LAT2: variants seen among roughly 807,000 people sequenced by gnomAD.
LAT2 encodes the protein linker for activation of T cells family member 2.
In LAT2, 23 loss-of-function variants were observed where a neutral mutation model predicts 43.4. That is an observed-to-expected ratio of 0.53 (90% confidence interval 0.38 to 0.75). The LOEUF is 0.75. Among genes scored for constraint, LAT2 ranks in the 30% least tolerant of loss-of-function variants. The pLI, the probability that LAT2 is intolerant of heterozygous loss-of-function variation, is 0.00. For missense variants in LAT2, 284 were observed against 310.2 expected, an observed-to-expected ratio of 0.92 and a Z score of 0.64; for synonymous variants, 128 against 123.2, an observed-to-expected ratio of 1.04 and a Z score of -0.26.
Position 74,224,759 on chromosome 7 carries a change from A to G in LAT2, c.*17A>G, listed in dbSNP as rs782814967. 2.3e-5 allele frequency: 36 copies of G among 1,556,506 alleles called. No individual in the cohort carries two copies. The highest frequency in any genetic ancestry group is 7.6e-5 in the Admixed American group (4 of 52,428). On this transcript the variant is annotated splice_region_variant and 3_prime_UTR_variant, in exon 13 of 14. Transcript: ENST00000460943. Reference sequence around the variant, plus strand: ...GAAGCCTAGGGCAGACCAAGAAGAAAGGTACAGCCCCTGCTCTCCAGCTGC... The same window carrying G: ...GAAGCCTAGGGCAGACCAAGAAGAAGGGTACAGCCCCTGCTCTCCAGCTGC...
At chr7:74,219,327 A>C (rs913298393) in intron 4 of LAT2, among the ~76,000 whole-genome samples, 2 of 152,056 alleles carry the variant, frequency 1.3e-5, no homozygotes, top group East Asian at 1.9e-4. Flanking sequence ...ATTTACCCCA[A>C]GTCATTGCTG....
intron 11 of LAT2, 88 bp from the exon 12 acceptor site, chr7:74,223,930 T>C: frequency 1.3e-6 from 2 of 1,492,774 alleles, no homozygotes; most frequent in Admixed American, 1.9e-5. Flanking sequence ...GGTAGAGCCT[T>C]GCCCCTACTA....
chr7:74,223,803 GGCAGGCTGGGGCTGGGAGCA>G lies in LAT2; in HGVS notation c.448+27_448+46del. ...AGACAGGTGAGGCTGCCCAGCCAGA[GGCAGGCTGGGGCTGGGAGCA>G]GCAGGCCTCCTTGGCCAGGTGCCCC... On this transcript the variant is annotated intron_variant, in intron 11 of 13. Coordinates refer to ENST00000460943, the MANE Select transcript of LAT2 (RefSeq NM_032464.3). The G allele has an allele frequency of 3.7e-6, 6 of 1,611,212 alleles. No individual in the cohort carries two copies. The highest frequency in any genetic ancestry group is 5.1e-6 in the Non-Finnish European group (6 of 1,177,696).
rs532210374 is a variant in LAT2, at chr7:74,223,689, C to T, written c.389-35C>T. On this transcript the variant is annotated intron_variant, in intron 10 of 13. Transcript: ENST00000460943. Reference sequence around the variant, plus strand: ...ATGAGCCAGGCTTTGCAGGGTCTGCCCACACCCCCGTGCCCACTCCTCTCT... The same window carrying T: ...ATGAGCCAGGCTTTGCAGGGTCTGCTCACACCCCCGTGCCCACTCCTCTCT... 7.5e-6 allele frequency: 12 copies of T among 1,600,594 alleles called. No individual in the cohort carries two copies. The South Asian group carries it at 1.2e-4, about 16-fold the overall frequency.
intron 3 of LAT2, 95 bp from the exon 4 acceptor site, chr7:74,216,730 C>A: frequency 9.5e-7 from 1 of 1,050,968 alleles, no homozygotes; most frequent in Non-Finnish European, 1.5e-6. Context: ...CAAGTCCTGT[C>A]TGAGTCCTGC....
intron 13 of LAT2, among the ~76,000 whole-genome samples, chr7:74,228,647 A>T (rs1584233469): frequency 7.0e-6 from 1 of 142,900 alleles, no homozygotes; most frequent in Middle Eastern, 3.7e-3. Flanking sequence ...AAAAAAAAAA[A>T]TTAGCTGGGC....
At position 74,221,619 on chromosome 7, in the gene LAT2, A is replaced by C; in HGVS notation, c.333-18A>C. The C allele has an allele frequency of 6.2e-7, 1 of 1,609,762 alleles. No individual in the cohort carries two copies. The highest frequency in any genetic ancestry group is 8.5e-7 in the Non-Finnish European group (1 of 1,178,070). ...CAGCCTGCCCTGAAACCTGTGTTGT[A>C]TATGTTTTCTTGGCCAGAGACCCCA... On this transcript the variant is annotated intron_variant, in intron 9 of 13. Transcript: ENST00000460943.
intron 13 of LAT2, among the ~76,000 whole-genome samples, chr7:74,227,641 G>A (rs1802539165): frequency 6.6e-6 from 1 of 152,228 alleles, no homozygotes; most frequent in Admixed American, 6.5e-5. Flanking sequence ...CCAGGCACTG[G>A]TGCCATCTGG....
At chr7:74,228,408 A>G (rs1423842106) in intron 13 of LAT2, among the ~76,000 whole-genome samples, 9 of 147,546 alleles carry the variant, frequency 6.1e-5, no homozygotes, top group African/African-American at 1.0e-4. Context: ...CCCGGGAGGC[A>G]GAGCTTGCAG....
chr7:74,221,789 C>T (rs375519597), intron 10 of LAT2, 97 bp downstream of exon 10: 91 of 841,240 alleles, frequency 1.1e-4, no homozygotes, highest in South Asian at 3.7e-4. Flanking sequence ...GGCCTGGGTT[C>T]GGGTAAATCG....
rs782769659 is a variant in LAT2 at position 74,216,044 on chromosome 7, T to C, written c.69T>C (p.Ser23=). 2 of 1,613,172 alleles carry C rather than the reference T, an allele frequency of 1.2e-6. No homozygotes were observed. The highest frequency in any genetic ancestry group is 1.1e-5 in the South Asian group (1 of 91,006). Residue 23 remains serine, a synonymous_variant, in exon 3 of 14, where the codon AGT becomes AGC. Transcript: ENST00000460943. The part of the protein sequence containing the change: ...ALLVLLGVAA[S]LCVRCSRPGA... ...TGGTGCTGTTGGGGGTGGCAGCCAG[T>C]CTGTGTGTGCGCTGCTCACGCCCAG...
chr7:74,224,528 T>A, intron 12 of LAT2, 111 bp from the exon 13 acceptor site: 2 of 894,916 alleles, frequency 2.2e-6, no homozygotes, highest in South Asian at 2.9e-5. Context: ...CTGTCGGGCG[T>A]GGCATTTCCC....
In LAT2 at chr7:74,216,045, CTG is replaced by C. The variant is rs1250727579; in HGVS notation, c.77_78del (p.Val26AlafsTer21). 1 of 1,613,252 alleles carries C rather than the reference CTG, an allele frequency of 6.2e-7. No homozygotes were observed. The highest frequency in any genetic ancestry group is 8.5e-7 in the Non-Finnish European group (1 of 1,179,732). ...GGTGCTGTTGGGGGTGGCAGCCAGT[CTG>C]TGTGTGCGCTGCTCACGCCCAGGTA... is the stretch of plus-strand genomic sequence containing the variant. ...LLVLLGVAASLCVRCSRPGAK... is the reference protein window; with the variant it reads ...LLVLLGVAASXCVRCSRPGAK... On this transcript the variant is annotated frameshift_variant, in exon 3 of 14. Coordinates refer to ENST00000460943, the MANE Select transcript of LAT2 (RefSeq NM_032464.3). LOFTEE classifies it high-confidence loss of function.
At chr7:74,228,538 C>G (rs1304126928) in intron 13 of LAT2, among the ~76,000 whole-genome samples, 1 of 149,688 alleles carries the variant, frequency 6.7e-6, no homozygotes, top group Non-Finnish European at 1.5e-5. Context: ...GTAATCCCAG[C>G]ACTTTGGGAA....
At chr7:74,218,799 C>A (rs111341960) in intron 4 of LAT2, among the ~76,000 whole-genome samples, 9 of 152,148 alleles carry the variant, frequency 5.9e-5, no homozygotes, top group African/African-American at 2.2e-4. Context: ...TGGCTTCAAG[C>A]GATTCTCCTG....
rs1300753821 is a variant in LAT2, at chr7:74,221,621, A to G, written c.333-16A>G. 3 of 1,611,704 alleles carry G rather than the reference A, an allele frequency of 1.9e-6. No homozygotes were observed. The highest frequency in any genetic ancestry group is 3.3e-5 in the Admixed American group (2 of 59,834). ...GCCTGCCCTGAAACCTGTGTTGTATATGTTTTCTTGGCCAGAGACCCCATT... is the reference window on the plus strand; with the variant it reads ...GCCTGCCCTGAAACCTGTGTTGTATGTGTTTTCTTGGCCAGAGACCCCATT... On this transcript the variant is annotated splice_polypyrimidine_tract_variant and intron_variant, in intron 9 of 13. Transcript: ENST00000460943.
intron 13 of LAT2, among the ~76,000 whole-genome samples, chr7:74,227,055 C>CT (rs35992128): frequency 0.031 from 4,084 of 133,804 alleles, 211 homozygotes; most frequent in African/African-American, 0.1. Flanking sequence ...GTTGTTTTTT[C>CT]TTTTTTTTTT....
chr7:74,221,579 C>T, intron 9 of LAT2, 58 bp from the exon 10 acceptor site: 1 of 1,455,122 alleles, frequency 6.9e-7, no homozygotes, highest in Non-Finnish European at 9.6e-7. Context: ...CTTATGGAGC[C>T]CCCAACCCGA....
chr7:74,224,646 C>A lies in LAT2; in HGVS notation c.636C>A (p.Leu212=). 1 of 1,600,616 alleles carries A rather than the reference C, an allele frequency of 6.2e-7. No homozygotes were observed. Among genetic ancestry groups the A allele is most frequent in the South Asian group, 1.1e-5 (1 of 88,494 alleles). The change falls in exon 13 of 14, where the codon CTC becomes CTA. Residue 212 remains leucine (L), a synonymous_variant. Transcript: ENST00000460943. ...WRESRKVMGQ[L]QREASPGPVG... ...CTGCCCGCTGGTCCACAGGGCAACT[C>A]CAGAGAGAAGCATCCCCTGGCCCGG... is the stretch of plus-strand genomic sequence containing the variant.
Sources: allele counts gnomAD v4.1 joint callset (sites outside exome capture counted in the v4.1 genomes callset), GRCh38; gene constraint gnomAD v4.1.1; transcripts MANE v1.5; gene names NCBI Gene and HGNC (gene_info 2026-07-23, HGNC 2026-07-21).